The following SMC6 variants were observed in gnomAD, a reference collection of about 807,000 sequenced individuals.
SMC6 encodes structural maintenance of chromosomes protein 6.
A neutral mutation model predicts 142.2 loss-of-function variants in SMC6; 79 were observed. The observed-to-expected ratio is 0.56, with a 90% CI of 0.46 to 0.67. The LOEUF (loss-of-function observed/expected upper bound fraction) is 0.67, where lower values mean the gene tolerates loss of function less well. Ranked by LOEUF, SMC6 falls within the 30% of genes least tolerant of loss-of-function variation. SMC6 has a pLI of 0.00. For synonymous variants in SMC6, 411 were observed against 412.4 expected, an observed-to-expected ratio of 1.00 and a Z score of 0.04; for missense variants, 1,072 against 1,284.0, an observed-to-expected ratio of 0.83 and a Z score of 2.52.
chr2:17,726,315 G>A, intron 8 of SMC6, 74 bp downstream of exon 8: 1 of 1,093,742 alleles, frequency 9.1e-7, no homozygotes, highest in Non-Finnish European at 1.3e-6. Flanking sequence ...CATTATGTGA[G>A]CAATAATATT....
At chr2:17,691,318 G>A (rs1381739520) in intron 23 of SMC6, among the ~76,000 whole-genome samples, 1 of 100,374 alleles carries the variant, frequency 1.0e-5, no homozygotes, top group South Asian at 2.7e-4. Context: ...ATTCTGGTGT[G>A]TGTGTGTGTG....
chr2:17,734,705 T>A (rs952563588), intron 5 of SMC6, among the ~76,000 whole-genome samples: 4 of 151,664 alleles, frequency 2.6e-5, no homozygotes, highest in Non-Finnish European at 5.9e-5. Context: ...TCAGAAGCAC[T>A]GATATCCTAC....
At chr2:17,718,278 A>T (rs1208237807) in intron 11 of SMC6, 55 bp from the exon 12 acceptor site, 3 of 1,295,598 alleles carry the variant, frequency 2.3e-6, no homozygotes, top group South Asian at 1.6e-5. Flanking sequence ...AGAGAATTTT[A>T]AAAAATAATT....
chr2:17,683,057 C>T (rs1292290616), intron 24 of SMC6, among the ~76,000 whole-genome samples: 1 of 152,038 alleles, frequency 6.6e-6, no homozygotes, highest in Non-Finnish European at 1.5e-5. Flanking sequence ...ATCAATTATC[C>T]TCTGTTTATT....
intron 11 of SMC6, 101 bp downstream of exon 11, chr2:17,720,839 A>ATAC: frequency 1.0e-6 from 1 of 976,870 alleles, no homozygotes; most frequent in African/African-American, 1.6e-5. Context: ...ATAGACAAAT[A>ATAC]TACTGTCTGA....
intron 25 of SMC6, among the ~76,000 whole-genome samples, chr2:17,676,396 C>T (rs1666995824): frequency 6.6e-6 from 1 of 152,072 alleles, no homozygotes; most frequent in African/African-American, 2.4e-5. Flanking sequence ...TTCCATGCTT[C>T]TTCATATATG....
chr2:17,720,494 T>C (rs1056296145), intron 11 of SMC6, among the ~76,000 whole-genome samples: 1 of 152,226 alleles, frequency 6.6e-6, no homozygotes, highest in African/African-American at 2.4e-5. Flanking sequence ...TAAATCTCAG[T>C]TCCCTTAGCA....
At chr2:17,741,575 C>T in intron 4 of SMC6, 37 bp downstream of exon 4, 1 of 1,341,184 alleles carries the variant, frequency 7.5e-7, no homozygotes, top group Non-Finnish European at 1.1e-6. Flanking sequence ...TCTCAAAGTA[C>T]TGCTCAAAGT....
In SMC6 at chr2:17,670,345, G is replaced by A. The variant is rs183245318; in HGVS notation, c.3063+78C>T. 3.8e-5 allele frequency: 55 copies of A among 1,455,468 alleles called. No homozygotes were observed. In the Admixed American group the frequency reaches 8.9e-4, roughly 24 times the overall value. The allele number at this position is 1,455,468 out of a possible 1,614,324, so 90.2% of individuals were successfully genotyped here. A position where few individuals can be genotyped will look rare whatever the true frequency, so the allele number is the denominator to read the frequency against. On this transcript the variant is annotated intron_variant, in intron 26 of 27. Transcript: ENST00000448223. ...CTTTCCTGTTAGGGGTAAAACTAAA[G>A]AAAGATTTCCTTCCTTTAGAAATAC...
intron 4 of SMC6, among the ~76,000 whole-genome samples, chr2:17,739,579 A>G (rs1344406678): frequency 1.3e-5 from 2 of 152,082 alleles, no homozygotes; most frequent in Admixed American, 1.3e-4. Flanking sequence ...TGGGAGGTAG[A>G]GGTTATAGTG....
intron 14 of SMC6, 52 bp from the exon 15 acceptor site, chr2:17,716,316 A>T: frequency 6.5e-7 from 1 of 1,549,928 alleles, no homozygotes; most frequent in Non-Finnish European, 8.7e-7. Context: ...TTTTACAGAA[A>T]CATTTAACCT....
chr2:17,679,006 G>GT (rs780114348), intron 24 of SMC6, 42 bp from the exon 25 acceptor site: 6 of 1,407,840 alleles, frequency 4.3e-6, no homozygotes, highest in African/African-American at 2.9e-5. Flanking sequence ...GAGGGCAAAG[G>GT]TTTTTTAAAA....
chr2:17,728,265 G>A (rs984045890), intron 7 of SMC6, among the ~76,000 whole-genome samples: 7 of 152,144 alleles, frequency 4.6e-5, no homozygotes, highest in South Asian at 2.1e-4. Context: ...GTGAAACCCC[G>A]TCTCTACAAA....
intron 16 of SMC6, among the ~76,000 whole-genome samples, chr2:17,711,472 C>T (rs193004980): frequency 1.3e-5 from 2 of 152,136 alleles, no homozygotes; most frequent in East Asian, 3.9e-4. Flanking sequence ...ATAGGCCTCA[C>T]TGGTAAGCGG....
chr2:17,675,714 C>T (rs140490734), intron 25 of SMC6, among the ~76,000 whole-genome samples: 92 of 152,098 alleles, frequency 6.0e-4, no homozygotes, highest in African/African-American at 1.6e-3. Flanking sequence ...AAAAACTCTG[C>T]CTTTGGTTTT....
chr2:17,671,600 C>T (rs1287874276), intron 25 of SMC6, among the ~76,000 whole-genome samples: 3 of 83,570 alleles, frequency 3.6e-5, no homozygotes, highest in Non-Finnish European at 6.6e-5. Flanking sequence ...CAGAGCGAGA[C>T]CCCGTCTCAA....
intron 24 of SMC6, chr2:17,679,965 A>C (rs907763186): frequency 6.6e-6 from 1 of 152,150 alleles, no homozygotes; most frequent in African/African-American, 2.4e-5. Flanking sequence ...GAACTGCATT[A>C]AATTCCCACA....
chr2:17,672,309 G>A (rs1420043631), intron 25 of SMC6, among the ~76,000 whole-genome samples: 1 of 152,152 alleles, frequency 6.6e-6, no homozygotes, highest in East Asian at 1.9e-4. Flanking sequence ...ATAAATTAAA[G>A]ATTCTTCTGG....
chr2:17,681,814 T>C (rs1019792994), intron 24 of SMC6: 6 of 152,174 alleles, frequency 3.9e-5, no homozygotes, highest in Admixed American at 2.6e-4. Context: ...TTAAACAAAA[T>C]ATGACACAGA....
Sources: allele counts gnomAD v4.1 joint callset (sites outside exome capture counted in the v4.1 genomes callset), GRCh38; gene constraint gnomAD v4.1.1; transcripts MANE v1.5; gene names NCBI Gene and HGNC (gene_info 2026-07-23, HGNC 2026-07-21).